Variants in NALCN observed in about 807,000 individuals in gnomAD.
The protein encoded by NALCN is sodium leak channel, non-selective.
In NALCN, 111 loss-of-function variants were observed where a neutral mutation model predicts 225.3. The ratio of observed to expected loss-of-function variants is 0.49; its 90% CI spans 0.42 to 0.58. The LOEUF (loss-of-function observed/expected upper bound fraction) is 0.58, where lower values mean the gene tolerates loss of function less well. Ranked by LOEUF, NALCN falls within the 20% of genes least tolerant of loss-of-function variation. The probability of loss-of-function intolerance (pLI) is 0.00; values close to 1 mark genes in which losing one functional copy is unlikely to be tolerated. For synonymous variants in NALCN, 764 were observed against 769.0 expected, an observed-to-expected ratio of 0.99 and a Z score of 0.11; for missense variants, 1,378 against 2,202.4, an observed-to-expected ratio of 0.63 and a Z score of 7.49.
chr13:101,128,363 A>C lies in NALCN; in HGVS notation c.2119-3682T>G, dbSNP rs1298338115. ...CGTTTCCAGAATTACATACTTTAAC[A>C]CATAATTCAAAAGCTTCAACTCAAT... is the stretch of plus-strand genomic sequence containing the variant. On this transcript the variant is annotated intron_variant, in intron 17 of 43. Coordinates refer to ENST00000251127, the MANE Select transcript of NALCN (RefSeq NM_052867.4). Among the ~76,000 whole-genome samples the C allele has an allele frequency of 3.3e-5, 5 of 152,352 alleles. No individual in the cohort carries two copies. The East Asian group carries it at 9.6e-4, about 29-fold the overall frequency.
At position 101,399,145 on chromosome 13, in the gene NALCN, G is replaced by T; in HGVS notation, c.-19C>A. On this transcript the variant is annotated 5_prime_UTR_variant, in exon 2 of 44. Transcript: ENST00000251127. ...TGAGCATGCTGAGGTTAGCTTTGGT[G>T]AGCAAGCACAAAACCACAGTCTGGG... The T allele has an allele frequency of 6.2e-7, 1 of 1,612,450 alleles. No homozygotes were observed. Among genetic ancestry groups the T allele is most frequent in the South Asian group, 1.1e-5 (1 of 90,936 alleles).
intron 6 of NALCN, among the ~76,000 whole-genome samples, chr13:101,362,067 G>A (rs55924534): frequency 0.048 from 7,342 of 151,818 alleles, 587 homozygotes; most frequent in African/African-American, 0.17. Context: ...TTCACATCTT[G>A]GAGATCAATG....
intron 14 of NALCN, among the ~76,000 whole-genome samples, chr13:101,183,352 T>C (rs1238230520): frequency 5.3e-5 from 8 of 152,246 alleles, no homozygotes; most frequent in South Asian, 4.1e-4. Context: ...TGTCATCATA[T>C]GTATAAAACA....
intron 15 of NALCN, among the ~76,000 whole-genome samples, chr13:101,173,585 A>C (rs1384443076): frequency 6.6e-6 from 1 of 152,196 alleles, no homozygotes; most frequent in Non-Finnish European, 1.5e-5. Flanking sequence ...GCAAGAATTC[A>C]ACCAATGTCA....
At chr13:101,234,539 G>A (rs773940691) in intron 12 of NALCN, among the ~76,000 whole-genome samples, 1 of 152,204 alleles carries the variant, frequency 6.6e-6, no homozygotes, top group Non-Finnish European at 1.5e-5. Flanking sequence ...TATACAAAGA[G>A]CCGCTCTGTC....
At chr13:101,075,980 C>G (rs1368544372) in intron 34 of NALCN, 39 bp from the exon 35 acceptor site, 1 of 1,569,108 alleles carries the variant, frequency 6.4e-7, no homozygotes, top group Non-Finnish European at 8.7e-7. Flanking sequence ...ATAATTTGCA[C>G]AAAAGATCTT....
chr13:101,278,652 G>T (rs1460264494), intron 10 of NALCN, among the ~76,000 whole-genome samples: 1 of 152,044 alleles, frequency 6.6e-6, no homozygotes, highest in Non-Finnish European at 1.5e-5. Flanking sequence ...TTCTGAAAGA[G>T]GTGAAACATA....
chr13:101,194,835 C>T (rs747790856), intron 13 of NALCN, among the ~76,000 whole-genome samples: 1 of 152,138 alleles, frequency 6.6e-6, no homozygotes, highest in Non-Finnish European at 1.5e-5. Context: ...GAAACCCCGT[C>T]TCTACTAAAA....
chr13:101,121,636 G>C (rs1393558636), intron 18 of NALCN, among the ~76,000 whole-genome samples: 1 of 152,188 alleles, frequency 6.6e-6, no homozygotes, highest in Non-Finnish European at 1.5e-5. Flanking sequence ...TAAAACGGCA[G>C]TCTCTTCCAG....
At chr13:101,257,160 T>A (rs1005301113) in intron 11 of NALCN, among the ~76,000 whole-genome samples, 14 of 151,340 alleles carry the variant, frequency 9.3e-5, no homozygotes, top group Admixed American at 9.2e-4. Flanking sequence ...AATTTCTTCA[T>A]CAGCCCCTGT....
chr13:101,411,345 CTT>C (rs35728574), intron 1 of NALCN, among the ~76,000 whole-genome samples: 33 of 138,186 alleles, frequency 2.4e-4, no homozygotes, highest in Admixed American at 3.7e-4. Context: ...AAGCATCAGA[CTT>C]TTTTTTTTTT....
chr13:101,163,719 G>C (rs1397333994), intron 15 of NALCN, among the ~76,000 whole-genome samples: 2 of 152,096 alleles, frequency 1.3e-5, no homozygotes, highest in Admixed American at 6.5e-5. Flanking sequence ...GTTTCTTCTT[G>C]AGTCCAGAGA....
At chr13:101,060,176 T>C (rs1273173200) in intron 41 of NALCN, among the ~76,000 whole-genome samples, 3 of 152,102 alleles carry the variant, frequency 2.0e-5, no homozygotes, top group Non-Finnish European at 4.4e-5. Context: ...ATGCATTGAC[T>C]TCCCAGTCCA....
In NALCN at chr13:101,345,318, T is replaced by C. The variant is rs770220744; in HGVS notation, c.747A>G (p.Glu249=). 2.5e-6 allele frequency: 4 copies of C among 1,613,674 alleles called. No homozygotes were observed. The highest frequency in any genetic ancestry group is 3.4e-6 in the Non-Finnish European group (4 of 1,179,794). ...CPPGFKCMDL[E]DLGLSRQELG... ...GCTCTTGCCTGCTAAGTCCCAGATC[T>C]TCAAGGTCCATGCATTTAAATCCAG... The change falls in exon 7 of 44, where the codon GAA becomes GAG. Residue 249 remains glutamate (E), a synonymous_variant. Coordinates refer to ENST00000251127, the MANE Select transcript of NALCN (RefSeq NM_052867.4).
At chr13:101,372,696 C>T (rs1290477422) in intron 6 of NALCN, among the ~76,000 whole-genome samples, 1 of 151,796 alleles carries the variant, frequency 6.6e-6, no homozygotes, top group Non-Finnish European at 1.5e-5. Context: ...TGCTTAGAGG[C>T]TAAAACAGTG....
chr13:101,250,245 A>G (rs965060271), intron 11 of NALCN, among the ~76,000 whole-genome samples: 2 of 152,126 alleles, frequency 1.3e-5, no homozygotes, highest in Non-Finnish European at 2.9e-5. Flanking sequence ...CTTAACATCA[A>G]TTAAAATCTC....
At chr13:101,342,667 G>A (rs1170915658) in intron 7 of NALCN, among the ~76,000 whole-genome samples, 1 of 152,130 alleles carries the variant, frequency 6.6e-6, no homozygotes, top group Non-Finnish European at 1.5e-5. Context: ...CTGTGATGTG[G>A]TTTATAGTTA....
chr13:101,113,175 C>T (rs943171624), intron 18 of NALCN, among the ~76,000 whole-genome samples: 1 of 152,156 alleles, frequency 6.6e-6, no homozygotes, highest in Admixed American at 6.5e-5. Context: ...CGAGAACATT[C>T]TGAAAAATCT....
chr13:101,293,201 C>A (rs537854918), intron 7 of NALCN, among the ~76,000 whole-genome samples: 1 of 152,180 alleles, frequency 6.6e-6, no homozygotes, highest in Non-Finnish European at 1.5e-5. Flanking sequence ...CCCCACACAT[C>A]CAACTGTGAT....
Sources: allele counts gnomAD v4.1 joint callset (sites outside exome capture counted in the v4.1 genomes callset), GRCh38; gene constraint gnomAD v4.1.1; transcripts MANE v1.5; gene names NCBI Gene and HGNC (gene_info 2026-07-23, HGNC 2026-07-21).